The following FUT8 variants were observed in gnomAD, a reference collection of about 807,000 sequenced individuals.
FUT8 encodes fucosyltransferase 8, also known as alpha-(1,6)-fucosyltransferase.
Under a neutral mutation model 71.3 loss-of-function variants are expected in FUT8, and 29 were observed. That is an observed-to-expected ratio of 0.41 (90% CI 0.30 to 0.55). FUT8 has a LOEUF of 0.55. Among genes scored for constraint, FUT8 ranks in the 20% least tolerant of loss-of-function variants. The pLI is 0.34. For missense variants in FUT8, 544 were observed against 702.1 expected (o/e 0.77, Z 2.55); for synonymous variants, 254 against 239.3 (o/e 1.06, Z -0.57).
chr14:65,437,779 T>C (rs2065583228), intron 1 of FUT8, among the ~76,000 whole-genome samples: 1 of 152,200 alleles, frequency 6.6e-6, no homozygotes, highest in Non-Finnish European at 1.5e-5. Flanking sequence ...GGAGATTAGA[T>C]GTGCTTTATG....
intron 2 of FUT8, among the ~76,000 whole-genome samples, chr14:65,476,474 A>C (rs150968700): frequency 1.3e-5 from 2 of 152,290 alleles, no homozygotes; most frequent in Non-Finnish European, 2.9e-5. Context: ...GAGCTGTGTG[A>C]AACTCAATTT....
intron 6 of FUT8, among the ~76,000 whole-genome samples, chr14:65,640,794 G>A (rs1198239726): frequency 1.3e-5 from 2 of 152,060 alleles, no homozygotes; most frequent in Non-Finnish European, 2.9e-5. Flanking sequence ...TCCAGAGCCT[G>A]GAACAGTGCC....
intron 2 of FUT8, among the ~76,000 whole-genome samples, chr14:65,459,842 A>C (rs1345000824): frequency 6.6e-6 from 1 of 152,202 alleles, no homozygotes; most frequent in African/African-American, 2.4e-5. Context: ...ACAGTCAAAA[A>C]ATAATAAAAA....
In FUT8 at chr14:65,677,151, T is replaced by TGTGTGTGTGTGTGTGC; in HGVS notation, c.835+7672_835+7673insTGTGTGTGTGTGTGCG. 2.5e-3 allele frequency among the ~76,000 whole-genome samples: 276 copies of TGTGTGTGTGTGTGTGC among 110,718 alleles called. 1 individual carries two copies. The highest frequency in any genetic ancestry group is 3.4e-3 in the Non-Finnish European group (191 of 55,694). The allele number at this position is 110,718 out of a possible 152,430, so 72.6% of individuals were successfully genotyped here. On this transcript the variant is annotated intron_variant, in intron 7 of 10. Coordinates refer to ENST00000673929, the MANE Select transcript of FUT8 (RefSeq NM_001371533.1). ...GTGTGTGTGTGTGTGTGTGTGTGTG[T>TGTGTGTGTGTGTGTGC]GCGCGCGCGCATGCGCGCGCACGTA... is the stretch of plus-strand genomic sequence containing the variant.
At chr14:65,448,484 C>T (rs2065775849) in intron 1 of FUT8, among the ~76,000 whole-genome samples, 1 of 152,168 alleles carries the variant, frequency 6.6e-6, no homozygotes, top group Non-Finnish European at 1.5e-5. Context: ...ATATTTTAAG[C>T]ACAGTACTCA....
chr14:65,586,909 C>A (rs1436054410), intron 3 of FUT8, among the ~76,000 whole-genome samples: 1 of 152,168 alleles, frequency 6.6e-6, no homozygotes, highest in African/African-American at 2.4e-5. Context: ...AGAGTATGTG[C>A]TGGGCGCTGT....
chr14:65,591,526 G>T (rs1377109309), intron 3 of FUT8, among the ~76,000 whole-genome samples: 2 of 152,158 alleles, frequency 1.3e-5, no homozygotes, highest in Non-Finnish European at 2.9e-5. Context: ...CTGGGGTTTT[G>T]TGTAGCTTAA....
At chr14:65,602,088 T>C (rs954258436) in intron 3 of FUT8, among the ~76,000 whole-genome samples, 1 of 151,750 alleles carries the variant, frequency 6.6e-6, no homozygotes, top group Non-Finnish European at 1.5e-5. Flanking sequence ...CCGAGCAGTA[T>C]ACGCTGAACC....
chr14:65,558,964 T>C (rs917738873), intron 2 of FUT8, among the ~76,000 whole-genome samples: 1 of 152,136 alleles, frequency 6.6e-6, no homozygotes, highest in Non-Finnish European at 1.5e-5. Context: ...ATATATAATA[T>C]AGTAATTTAA....
chr14:65,661,369 G>T (rs528423486), intron 6 of FUT8, among the ~76,000 whole-genome samples: 36 of 152,222 alleles, frequency 2.4e-4, no homozygotes, highest in East Asian at 3.9e-4. Context: ...TTATGACTAT[G>T]GACTTGACAT....
chr14:65,512,287 C>T (rs1481493594), intron 2 of FUT8, among the ~76,000 whole-genome samples: 1 of 152,070 alleles, frequency 6.6e-6, no homozygotes, highest in Non-Finnish European at 1.5e-5. Flanking sequence ...CTCAGCCTCC[C>T]AGGTAGTAGC....
rs1348660009 is a variant in FUT8, at chr14:65,413,678, C to G, written c.-326+464C>G. Among the ~76,000 whole-genome samples the G allele has an allele frequency of 6.6e-6, 1 of 152,142 alleles. No homozygotes were observed. Among genetic ancestry groups the G allele is most frequent in the Non-Finnish European group, 1.5e-5 (1 of 68,026 alleles). On this transcript the variant is annotated intron_variant, in intron 1 of 10. Coordinates refer to ENST00000673929, the MANE Select transcript of FUT8 (RefSeq NM_001371533.1). The surrounding 1 kb of genome is among the most constrained non-coding windows in gnomAD (Gnocchi z 4.1). ...TTATGGGCTCTTTCTGAGTGCTGCT[C>G]GGGCTAGAAAGCAGGGAGTGGACCC...
intron 2 of FUT8, among the ~76,000 whole-genome samples, chr14:65,559,538 A>G (rs1885790522): frequency 6.7e-6 from 1 of 149,870 alleles, no homozygotes; most frequent in Admixed American, 6.6e-5. Context: ...ATATCTTAAT[A>G]GCTTAGAATT....
chr14:65,566,883 T>G (rs1031252322), intron 3 of FUT8, among the ~76,000 whole-genome samples: 1 of 151,992 alleles, frequency 6.6e-6, no homozygotes, highest in African/African-American at 2.4e-5. Flanking sequence ...GAAATAGCTA[T>G]TTGCTCACAG....
intron 2 of FUT8, among the ~76,000 whole-genome samples, chr14:65,502,350 G>A (rs1682169579): frequency 1.3e-5 from 2 of 151,486 alleles, no homozygotes; most frequent in South Asian, 2.1e-4. Flanking sequence ...TCAGCCTCCC[G>A]AGTAGCTGGG....
chr14:65,507,603 GT>G (rs1465357114), intron 2 of FUT8, among the ~76,000 whole-genome samples: 1 of 152,148 alleles, frequency 6.6e-6, no homozygotes, highest in Non-Finnish European at 1.5e-5. Context: ...GTGACCTCTG[GT>G]TCCATCCATG....
chr14:65,729,113 C>T (rs1393196043), intron 9 of FUT8, among the ~76,000 whole-genome samples: 1 of 144,248 alleles, frequency 6.9e-6, no homozygotes, highest in Non-Finnish European at 1.5e-5. Context: ...GCAGCCTCAA[C>T]CTCCTGGGCT....
rs555558551 is a variant in FUT8 at position 65,573,603 on chromosome 14, G to T, written c.203+11837G>T. On this transcript the variant is annotated intron_variant, in intron 3 of 10. Transcript: ENST00000673929. ...TTGGATGCAGTGGCACAAGCCTGTA[G>T]TCCTAGCTGCTAGGAAAGCTGAGGC... 2.6e-5 allele frequency among the ~76,000 whole-genome samples: 4 copies of T among 152,132 alleles called. No homozygotes were observed. The South Asian group carries it at 8.3e-4, about 32-fold the overall frequency.
chr14:65,414,529 C>G (rs1216818711), intron 1 of FUT8, among the ~76,000 whole-genome samples: 1 of 152,080 alleles, frequency 6.6e-6, no homozygotes, highest in East Asian at 1.9e-4. Context: ...CCTTGCTGTC[C>G]TTGTGAAATC....
Sources: allele counts gnomAD v4.1 joint callset (sites outside exome capture counted in the v4.1 genomes callset), GRCh38; gene constraint gnomAD v4.1.1; non-coding constraint Gnocchi (gnomAD v3.1); transcripts MANE v1.5; gene names NCBI Gene and HGNC (gene_info 2026-07-23, HGNC 2026-07-21).